Variants in DLG1 observed in about 807,000 individuals in gnomAD.
DLG1 encodes disks large homolog 1.
DLG1 carries 42 observed loss-of-function variants against 123.4 expected under a neutral mutation model. That is an observed-to-expected ratio of 0.34 (90% CI 0.27 to 0.44). The LOEUF is 0.44. DLG1 is among the 20% of genes least tolerant of loss of function. DLG1 has a pLI of 1.00. For synonymous variants in DLG1, 317 were observed against 356.2 expected, an observed-to-expected ratio of 0.89 and a Z score of 1.24; for missense variants, 942 against 1,082.6, an observed-to-expected ratio of 0.87 and a Z score of 1.82.
At chr3:197,235,594 G>A (rs1371981903) in intron 4 of DLG1, among the ~76,000 whole-genome samples, 1 of 152,170 alleles carries the variant, frequency 6.6e-6, no homozygotes, top group Non-Finnish European at 1.5e-5. Context: ...GGCTACTTGA[G>A]ATCCAACTTT....
intron 4 of DLG1, among the ~76,000 whole-genome samples, chr3:197,207,599 A>G (rs913416186): frequency 1.3e-5 from 2 of 152,224 alleles, no homozygotes; most frequent in African/African-American, 4.8e-5. Flanking sequence ...GTAAGTGTGC[A>G]CAATCTTCAA....
chr3:197,068,606 T>C, intron 19 of DLG1: 1 of 962,534 alleles, frequency 1.0e-6, no homozygotes, highest in African/African-American at 1.6e-5. Flanking sequence ...GTGCTACAAC[T>C]GATATTATGT....
At chr3:197,173,056 C>T (rs574967814) in intron 5 of DLG1, among the ~76,000 whole-genome samples, 1 of 152,268 alleles carries the variant, frequency 6.6e-6, no homozygotes, top group South Asian at 2.1e-4. Flanking sequence ...TTTACCTTGG[C>T]ATTCTCATTT....
chr3:197,114,949 C>T (rs1452274934), intron 13 of DLG1, among the ~76,000 whole-genome samples: 1 of 144,940 alleles, frequency 6.9e-6, no homozygotes, highest in Admixed American at 7.0e-5. Flanking sequence ...CACTGCACTC[C>T]ATCCAGCCTG....
chr3:197,242,344 G>C (rs1180014757), intron 4 of DLG1, among the ~76,000 whole-genome samples: 1 of 152,030 alleles, frequency 6.6e-6, no homozygotes, highest in Non-Finnish European at 1.5e-5. Flanking sequence ...AATAGTAGGA[G>C]ACTTTAATAC....
chr3:197,052,073 C>G (rs991085545), intron 23 of DLG1, among the ~76,000 whole-genome samples: 5 of 151,960 alleles, frequency 3.3e-5, no homozygotes, highest in Non-Finnish European at 7.4e-5. Context: ...ACTCCTGACC[C>G]CAGGTAATCT....
At chr3:197,155,078 G>A (rs149065562) in intron 5 of DLG1, among the ~76,000 whole-genome samples, 9 of 152,178 alleles carry the variant, frequency 5.9e-5, no homozygotes, top group African/African-American at 2.2e-4. Context: ...CATCCAAGAA[G>A]CTCAATAAAC....
At chr3:197,101,143 C>T (rs1168826661) in intron 14 of DLG1, among the ~76,000 whole-genome samples, 1 of 152,040 alleles carries the variant, frequency 6.6e-6, no homozygotes, top group East Asian at 1.9e-4. Flanking sequence ...ACTGAACATA[C>T]AAGGGTGGAG....
chr3:197,243,685 A>C (rs750694709), intron 4 of DLG1, among the ~76,000 whole-genome samples: 76 of 152,076 alleles, frequency 5.0e-4, no homozygotes, highest in Non-Finnish European at 1.0e-3. Flanking sequence ...TTGTTGAGCT[A>C]TTCTTTTAAT....
At chr3:197,113,783 G>T (rs1266513536) in intron 13 of DLG1, among the ~76,000 whole-genome samples, 8 of 152,130 alleles carry the variant, frequency 5.3e-5, no homozygotes, top group Non-Finnish European at 7.3e-5. Context: ...ATAAGATATA[G>T]TTAAGATACA....
Position 197,109,640 on chromosome 3 carries a change from C to T in DLG1, c.1444-4635G>A, listed in dbSNP as rs532854655. ...TTTGAGTTACTCTCTAGTTTCCTTT[C>T]ATTTTAGTCTGAAGGATTCTCTTAT... On this transcript the variant is annotated intron_variant, in intron 13 of 24. Coordinates refer to ENST00000667157, the MANE Select transcript of DLG1 (RefSeq NM_001366207.1). 7.2e-5 allele frequency among the ~76,000 whole-genome samples: 11 copies of T among 152,266 alleles called. No homozygotes were observed. In the South Asian group the frequency reaches 2.3e-3, roughly 32 times the overall value.
chr3:197,087,397 TGTG>T (rs952835909), intron 15 of DLG1, among the ~76,000 whole-genome samples: 1 of 149,420 alleles, frequency 6.7e-6, no homozygotes, highest in African/African-American at 2.5e-5. Flanking sequence ...AAGACTCAGG[TGTG>T]GTGGTGGTGG....
Position 197,099,385 on chromosome 3 carries a change from C to T in DLG1, c.1546+5518G>A, listed in dbSNP as rs1449358314. Among the ~76,000 whole-genome samples the T allele has an allele frequency of 2.6e-5, 4 of 152,136 alleles. No homozygotes were observed. In the East Asian group the frequency reaches 7.7e-4, roughly 29 times the overall value. ...TTATTTTGACGGAAGAGTTTCATCC[C>T]TTTTTTCAGTTAAGTCATTTACACT... is the stretch of plus-strand genomic sequence containing the variant. On this transcript the variant is annotated intron_variant, in intron 14 of 24. Transcript: ENST00000667157.
intron 4 of DLG1, among the ~76,000 whole-genome samples, chr3:197,221,477 G>A (rs1016226940): frequency 1.3e-5 from 2 of 151,810 alleles, no homozygotes; most frequent in Non-Finnish European, 2.9e-5. Context: ...CCGAGCCGAG[G>A]CTGCACCACT....
At chr3:197,223,159 C>G (rs1421000748) in intron 4 of DLG1, among the ~76,000 whole-genome samples, 2 of 152,168 alleles carry the variant, frequency 1.3e-5, no homozygotes, top group African/African-American at 4.8e-5. Flanking sequence ...CTTGAATGTC[C>G]TCTGCATTCT....
chr3:197,076,047 C>A (rs45457894), intron 18 of DLG1, among the ~76,000 whole-genome samples: 1 of 152,156 alleles, frequency 6.6e-6, no homozygotes, highest in African/African-American at 2.4e-5. Flanking sequence ...TAGCTGCTAA[C>A]TGTAATCTAC....
At chr3:197,155,624 T>TAA (rs1316523138) in intron 5 of DLG1, among the ~76,000 whole-genome samples, 1 of 143,414 alleles carries the variant, frequency 7.0e-6, no homozygotes. Flanking sequence ...TTTTCAAATT[T>TAA]AAAAAAAAAA....
At chr3:197,233,809 C>T (rs936663212) in intron 4 of DLG1, among the ~76,000 whole-genome samples, 4 of 152,218 alleles carry the variant, frequency 2.6e-5, no homozygotes, top group Non-Finnish European at 4.4e-5. Context: ...CGTAAGCCAC[C>T]GTGCCCAGCC....
intron 4 of DLG1, among the ~76,000 whole-genome samples, chr3:197,232,867 C>CA (rs1186170436): frequency 6.6e-6 from 1 of 151,900 alleles, no homozygotes; most frequent in African/African-American, 2.4e-5. Flanking sequence ...GGGGCACCTA[C>CA]AAAAAACCTA....
Sources: gnomAD v4.1 joint callset for allele counts (sites outside exome capture counted in the v4.1 genomes callset) on GRCh38, gnomAD v4.1.1 for gene constraint, MANE v1.5 for transcripts, NCBI Gene and HGNC (gene_info 2026-07-23, HGNC 2026-07-21) for gene names.